The following PLXNC1 variants were observed in gnomAD, a reference collection of about 807,000 sequenced individuals.
PLXNC1 encodes plexin-C1.
A neutral mutation model predicts 178.2 loss-of-function variants in PLXNC1; 75 were observed. The ratio of observed to expected loss-of-function variants is 0.42; its 90% CI spans 0.35 to 0.51. The LOEUF is 0.51. Ranked by LOEUF, PLXNC1 falls within the 20% of genes least tolerant of loss-of-function variation. The pLI is 0.02. For missense variants in PLXNC1, 1,503 were observed against 1,984.4 expected (o/e 0.76, Z 4.61); for synonymous variants, 790 against 779.9 (o/e 1.01, Z -0.22).
chr12:94,238,326 T>C (rs946550341), intron 10 of PLXNC1, among the ~76,000 whole-genome samples: 8 of 152,218 alleles, frequency 5.3e-5, no homozygotes, highest in African/African-American at 1.9e-4. Context: ...CTACATATAA[T>C]GGTAGTAAAA....
intron 9 of PLXNC1, among the ~76,000 whole-genome samples, chr12:94,230,765 C>T (rs1224271297): frequency 2.0e-5 from 3 of 152,212 alleles, no homozygotes; most frequent in Non-Finnish European, 2.9e-5. Context: ...AGAGAAGTCA[C>T]TCACAGCTTT....
At chr12:94,212,926 G>A (rs543032551) in intron 5 of PLXNC1, among the ~76,000 whole-genome samples, 34 of 152,060 alleles carry the variant, frequency 2.2e-4, no homozygotes, top group South Asian at 1.0e-3. Context: ...TCACCGTGTT[G>A]GCCAAGATGG....
intron 2 of PLXNC1, among the ~76,000 whole-genome samples, chr12:94,169,872 G>A (rs981696907): frequency 6.6e-6 from 1 of 152,146 alleles, no homozygotes; most frequent in Non-Finnish European, 1.5e-5. Context: ...CTTCTCCACT[G>A]TGTGGACACA....
At chr12:94,185,654 C>T (rs574036145) in intron 3 of PLXNC1, among the ~76,000 whole-genome samples, 7 of 152,298 alleles carry the variant, frequency 4.6e-5, no homozygotes, top group Admixed American at 1.3e-4. Context: ...TTATTTTCAA[C>T]TCCACTGGAG....
chr12:94,237,515 A>G (rs1434074575), intron 9 of PLXNC1, 149 bp from the exon 10 acceptor site: 11 of 635,132 alleles, frequency 1.7e-5, no homozygotes, highest in African/African-American at 1.7e-4. Flanking sequence ...CCTTGAATTC[A>G]TTGATTTCAT....
chr12:94,254,941 T>G lies in PLXNC1; in HGVS notation c.2983+53T>G, dbSNP rs899647985. On this transcript the variant is annotated intron_variant, in intron 16 of 30. Coordinates refer to ENST00000258526, the MANE Select transcript of PLXNC1 (RefSeq NM_005761.3). ...AAACAAGCCTTTTATATTTATACTT[T>G]TATTTTTTTACCCTTACATAGAGAT... 8 of 1,391,092 alleles carry G rather than the reference T, an allele frequency of 5.8e-6. No homozygotes were observed. In the African/African-American group the frequency reaches 1.0e-4, roughly 17 times the overall value. 86.2% of individuals were successfully genotyped at this position (1,391,092 alleles called of 1,614,324 possible).
At chr12:94,283,902 G>C in intron 23 of PLXNC1, among the ~76,000 whole-genome samples, 1 of 152,046 alleles carries the variant, frequency 6.6e-6, no homozygotes, top group East Asian at 1.9e-4. Flanking sequence ...TGGCCAACAC[G>C]GTAAAACGCT....
chr12:94,181,796 A>G (rs888504811), intron 3 of PLXNC1, among the ~76,000 whole-genome samples: 4 of 152,178 alleles, frequency 2.6e-5, no homozygotes, highest in Non-Finnish European at 5.9e-5. Context: ...CAATTTTATT[A>G]TTGGCTATAT....
At chr12:94,226,821 C>T (rs1377481028) in intron 8 of PLXNC1, 114 bp downstream of exon 8, 8 of 748,780 alleles carry the variant, frequency 1.1e-5, no homozygotes, top group Admixed American at 5.9e-5. Context: ...GTCAGGAGTT[C>T]GAGACCAGCC....
intron 17 of PLXNC1, 121 bp from the exon 18 acceptor site, chr12:94,259,216 G>A: frequency 1.4e-6 from 1 of 693,236 alleles, no homozygotes; most frequent in Non-Finnish European, 2.5e-6. Context: ...AAACCCAGGG[G>A]CGCTTCAGAT....
In PLXNC1 at chr12:94,156,665, A is replaced by C. The variant is rs543521970; in HGVS notation, c.1062+6632A>C. Among the ~76,000 whole-genome samples the C allele has an allele frequency of 8.7e-5, 13 of 149,916 alleles. No individual in the cohort carries two copies. The South Asian group carries it at 1.5e-3, about 17-fold the overall frequency. On this transcript the variant is annotated intron_variant, in intron 1 of 30. Transcript: ENST00000258526. ...GCTAATTGGAATAAAATCATTTCTT[A>C]AACAATATGGTTCCTGGAGGAGAGA...
At chr12:94,174,438 A>G (rs775656811) in intron 2 of PLXNC1, among the ~76,000 whole-genome samples, 1 of 152,120 alleles carries the variant, frequency 6.6e-6, no homozygotes, top group Non-Finnish European at 1.5e-5. Flanking sequence ...TCGGCCTTCC[A>G]AAGAGCTGGG....
intron 9 of PLXNC1, 163 bp downstream of exon 9, chr12:94,227,398 G>A (rs11107462): frequency 3.5e-5 from 19 of 541,434 alleles, no homozygotes; most frequent in South Asian, 1.7e-4. Context: ...CTTAATTAGC[G>A]CAATACATCA....
At chr12:94,224,690 G>C (rs921697207) in intron 7 of PLXNC1, among the ~76,000 whole-genome samples, 4 of 152,154 alleles carry the variant, frequency 2.6e-5, no homozygotes, top group African/African-American at 9.6e-5. Context: ...GATCGCTTGA[G>C]CCCAGGAGAG....
At chr12:94,298,008 T>C (rs1592997122) in intron 26 of PLXNC1, among the ~76,000 whole-genome samples, 1 of 149,682 alleles carries the variant, frequency 6.7e-6, no homozygotes, top group African/African-American at 2.5e-5. Context: ...ATGAGCACTA[T>C]AAATGCTATG....
At chr12:94,227,966 T>C (rs568714167) in intron 9 of PLXNC1, among the ~76,000 whole-genome samples, 3 of 152,152 alleles carry the variant, frequency 2.0e-5, no homozygotes, top group Admixed American at 2.0e-4. Flanking sequence ...CTCGCTAACC[T>C]TGGAGTCTAG....
chr12:94,168,561 C>T (rs1170946685), intron 1 of PLXNC1, among the ~76,000 whole-genome samples: 1 of 152,196 alleles, frequency 6.6e-6, no homozygotes, highest in Non-Finnish European at 1.5e-5. Context: ...CTTGGTTCCT[C>T]CTTAGCTCTG....
At chr12:94,287,695 GC>G (rs1966867526) in intron 23 of PLXNC1, among the ~76,000 whole-genome samples, 2 of 152,338 alleles carry the variant, frequency 1.3e-5, no homozygotes, top group South Asian at 4.1e-4. Context: ...TCATAGGAAT[GC>G]CCCAAAGGGT....
intron 2 of PLXNC1, among the ~76,000 whole-genome samples, chr12:94,172,232 G>A (rs987521132): frequency 6.6e-5 from 10 of 152,174 alleles, no homozygotes; most frequent in Non-Finnish European, 1.3e-4. Context: ...AGAAGAAAGA[G>A]GGCTTGGATC....
Sources: allele counts gnomAD v4.1 joint callset (sites outside exome capture counted in the v4.1 genomes callset), GRCh38; gene constraint gnomAD v4.1.1; transcripts MANE v1.5; gene names NCBI Gene and HGNC (gene_info 2026-07-23, HGNC 2026-07-21).